PMFBP1: variants seen among roughly 807,000 people sequenced by gnomAD.
PMFBP1 encodes the protein polyamine-modulated factor 1-binding protein 1.
PMFBP1 carries 131 observed loss-of-function variants against 137.8 expected under a neutral mutation model. The ratio of observed to expected loss-of-function variants is 0.95; its 90% CI spans 0.82 to 1.10. The LOEUF is 1.10. Ranked by LOEUF, PMFBP1 falls within the 50% of genes least tolerant of loss-of-function variation. The probability of loss-of-function intolerance (pLI) is 0.00; values close to 1 mark genes in which losing one functional copy is unlikely to be tolerated. For missense variants in PMFBP1, 1,199 were observed against 1,175.4 expected (o/e 1.02, Z -0.29); for synonymous variants, 490 against 450.4 (o/e 1.09, Z -1.11).
chr16:72,175,942 G>C (rs2043258012), upstream of PMFBP1, among the ~76,000 whole-genome samples: 1 of 152,170 alleles, frequency 6.6e-6, no homozygotes. Context: ...AATGTGCAGA[G>C]GCTTGGTGTG....
At chr16:72,151,974 T>G (rs117811389) in intron 4 of PMFBP1, among the ~76,000 whole-genome samples, 3,059 of 152,228 alleles carry the variant, frequency 0.02, 47 homozygotes, top group Non-Finnish European at 0.025. Context: ...GGTATGTTGG[T>G]GGGTTCACTC....
At chr16:72,203,951 G>T in the PMFBP1 span, among the ~76,000 whole-genome samples, 1 of 152,204 alleles carries the variant, frequency 6.6e-6, no homozygotes, top group African/African-American at 2.4e-5. Context: ...CAGGCTGGAT[G>T]TTCCCAGGGA....
intron 19 of PMFBP1, 172 bp from the exon 20 acceptor site, chr16:72,120,261 T>C (rs2144217358): frequency 4.5e-6 from 5 of 1,116,878 alleles, no homozygotes; most frequent in East Asian, 4.8e-5. Flanking sequence ...GTGTGTCCTG[T>C]GAAAGAAGCC....
At chr16:72,126,721 T>C (rs940777542) in intron 14 of PMFBP1, among the ~76,000 whole-genome samples, 7 of 152,232 alleles carry the variant, frequency 4.6e-5, no homozygotes, top group African/African-American at 1.7e-4. Flanking sequence ...TTAGGGAACA[T>C]GTAGTTCTGG....
At chr16:72,154,521 C>A in intron 3 of PMFBP1, 62 bp from the exon 4 acceptor site, 1 of 1,540,790 alleles carries the variant, frequency 6.5e-7, no homozygotes, top group Non-Finnish European at 8.8e-7. Context: ...GTATTCATTC[C>A]AGGATTTTTT....
intron 9 of PMFBP1, among the ~76,000 whole-genome samples, chr16:72,135,833 C>T (rs546774725): frequency 6.7e-6 from 1 of 148,670 alleles, no homozygotes; most frequent in Admixed American, 6.8e-5. Context: ...GCAACCTCCA[C>T]CTCCTGGGCT....
At chr16:72,136,195 C>T (rs2042628507) in intron 9 of PMFBP1, among the ~76,000 whole-genome samples, 1 of 152,150 alleles carries the variant, frequency 6.6e-6, no homozygotes, top group Non-Finnish European at 1.5e-5. Flanking sequence ...AATGCTCTTG[C>T]TACCTTGCGG....
chr16:72,241,812 T>C, the PMFBP1 span, among the ~76,000 whole-genome samples: 1 of 152,220 alleles, frequency 6.6e-6, no homozygotes, highest in South Asian at 2.1e-4. Flanking sequence ...ATATATTCAG[T>C]AGGTACAGAA....
intron 4 of PMFBP1, among the ~76,000 whole-genome samples, chr16:72,152,081 T>A (rs781099622): frequency 2.0e-5 from 3 of 152,212 alleles, no homozygotes; most frequent in Non-Finnish European, 4.4e-5. Context: ...CGGTCCTTCT[T>A]TGACTCACTT....
the PMFBP1 span, among the ~76,000 whole-genome samples, chr16:72,212,324 G>A: frequency 6.6e-6 from 1 of 152,116 alleles, no homozygotes; most frequent in South Asian, 2.1e-4. Context: ...ATAGCAAGAT[G>A]TAATAGAAAA....
chr16:72,126,220 A>G (rs2042455948), intron 14 of PMFBP1, 88 bp from the exon 15 acceptor site: 4 of 1,450,400 alleles, frequency 2.8e-6, no homozygotes, highest in Non-Finnish European at 3.7e-6. Flanking sequence ...ACAAGAGCCA[A>G]GCTCTCTCCT....
upstream of PMFBP1, among the ~76,000 whole-genome samples, chr16:72,178,515 C>T (rs1036897145): frequency 3.7e-4 from 57 of 152,074 alleles, no homozygotes; most frequent in African/African-American, 1.2e-3. Context: ...TACATTTATT[C>T]GCTGGAACTC....
intron 5 of PMFBP1, among the ~76,000 whole-genome samples, chr16:72,143,100 A>G (rs188230264): frequency 6.6e-6 from 1 of 152,384 alleles, no homozygotes; most frequent in Admixed American, 6.5e-5. Flanking sequence ...ATGCTAATAA[A>G]AACATCTGAT....
the PMFBP1 span, among the ~76,000 whole-genome samples, chr16:72,211,470 TC>T: frequency 6.6e-6 from 1 of 152,136 alleles, no homozygotes; most frequent in East Asian, 1.9e-4. Flanking sequence ...AAGAAAATGC[TC>T]CCTGTTTAGA....
the PMFBP1 span, among the ~76,000 whole-genome samples, chr16:72,183,895 C>T: frequency 6.6e-6 from 1 of 152,134 alleles, no homozygotes; most frequent in Admixed American, 6.5e-5. Context: ...CTTGTCACCC[C>T]TACCCTGGTG....
intron 3 of PMFBP1, among the ~76,000 whole-genome samples, chr16:72,157,106 G>A (rs1004540398): frequency 1.2e-4 from 17 of 147,102 alleles, no homozygotes; most frequent in Admixed American, 9.6e-4. Flanking sequence ...GGAAAATGGC[G>A]TGAACCCGGG....
At chr16:72,154,070 A>G in intron 4 of PMFBP1, 141 bp downstream of exon 4, 1 of 1,153,024 alleles carries the variant, frequency 8.7e-7, no homozygotes, top group Non-Finnish European at 1.2e-6. Context: ...AAGATCAAGA[A>G]TTAAAGGGGG....
At chr16:72,192,153 A>T in the PMFBP1 span, among the ~76,000 whole-genome samples, 1 of 152,180 alleles carries the variant, frequency 6.6e-6, no homozygotes. Flanking sequence ...TTTATCACAT[A>T]TGTATCCTCC....
intron 3 of PMFBP1, among the ~76,000 whole-genome samples, chr16:72,161,788 CCAGGATTT>C (rs1411062966): frequency 2.0e-5 from 3 of 152,128 alleles, no homozygotes; most frequent in Non-Finnish European, 4.4e-5. Flanking sequence ...AATATCCAAT[CCAGGATTT>C]CACATTGCAT....
Sources: gnomAD v4.1 joint callset for allele counts (sites outside exome capture counted in the v4.1 genomes callset) on GRCh38, gnomAD v4.1.1 for gene constraint, MANE v1.5 for transcripts, NCBI Gene and HGNC (gene_info 2026-07-23, HGNC 2026-07-21) for gene names.